SLC25A26: variants seen among roughly 807,000 people sequenced by gnomAD.
SLC25A26 encodes the protein mitochondrial S-adenosylmethionine carrier protein.
SLC25A26 carries 36 observed loss-of-function variants against 37.8 expected under a neutral mutation model. That is an observed-to-expected ratio of 0.95 (90% CI 0.73 to 1.26). The LOEUF is 1.26. Ranked by LOEUF, SLC25A26 falls within the 50% of genes most tolerant of loss-of-function variation. The pLI, the probability that SLC25A26 is intolerant of heterozygous loss-of-function variation, is 0.00. For missense variants in SLC25A26, 390 were observed against 331.1 expected, an observed-to-expected ratio of 1.18 and a Z score of -1.38; for synonymous variants, 129 against 122.5, an observed-to-expected ratio of 1.05 and a Z score of -0.35.
intron 2 of SLC25A26, among the ~76,000 whole-genome samples, chr3:66,240,998 C>T (rs956864682): frequency 8.5e-5 from 13 of 152,130 alleles, no homozygotes; most frequent in Non-Finnish European, 1.6e-4. Context: ...CCACCTGCCT[C>T]GTCCTCCCAA....
At chr3:66,259,679 C>G (rs764417143) in intron 3 of SLC25A26, among the ~76,000 whole-genome samples, 12 of 152,188 alleles carry the variant, frequency 7.9e-5, no homozygotes, top group Non-Finnish European at 1.2e-4. Context: ...CTATAGCAGT[C>G]TCGTAACCCA....
chr3:66,153,307 A>C (rs187035204), intron 1 of SLC25A26, among the ~76,000 whole-genome samples: 34 of 152,350 alleles, frequency 2.2e-4, no homozygotes, highest in Non-Finnish European at 4.4e-4. Flanking sequence ...CTTGATCTAG[A>C]GGGACAAGAT....
intron 6 of SLC25A26, among the ~76,000 whole-genome samples, chr3:66,352,913 T>C (rs779289260): frequency 2.1e-4 from 32 of 152,208 alleles, no homozygotes; most frequent in Non-Finnish European, 4.3e-4. Flanking sequence ...TCTGTAATCA[T>C]AACACCTATT....
chr3:66,236,040 T>G (rs1223552374), intron 1 of SLC25A26, among the ~76,000 whole-genome samples: 2 of 152,092 alleles, frequency 1.3e-5, no homozygotes, highest in Non-Finnish European at 2.9e-5. Context: ...GCCTTCCAAG[T>G]AGCTGGACCT....
intron 1 of SLC25A26, among the ~76,000 whole-genome samples, chr3:66,222,281 C>T (rs1190323622): frequency 6.6e-6 from 1 of 151,428 alleles, no homozygotes; most frequent in Non-Finnish European, 1.5e-5. Context: ...CTCGGGTTCA[C>T]GCCATTCTCC....
upstream of SLC25A26, among the ~76,000 whole-genome samples, chr3:66,219,414 T>C (rs2106855394): frequency 6.6e-6 from 1 of 152,340 alleles, no homozygotes; most frequent in South Asian, 2.1e-4. Context: ...TCTAATCAGT[T>C]GACTTTGAGT....
chr3:66,339,681 A>G (rs2076165277), intron 5 of SLC25A26, among the ~76,000 whole-genome samples: 1 of 151,984 alleles, frequency 6.6e-6, no homozygotes, highest in Non-Finnish European at 1.5e-5. Flanking sequence ...CATCTTCTCT[A>G]GAATGATGTC....
intron 1 of SLC25A26, among the ~76,000 whole-genome samples, chr3:66,156,435 C>T (rs1459780182): frequency 6.8e-6 from 1 of 147,696 alleles, no homozygotes. Context: ...AAATTAGCAA[C>T]ATGATATAGG....
At chr3:66,312,243 CT>C (rs1279935834) in intron 5 of SLC25A26, among the ~76,000 whole-genome samples, 1 of 152,154 alleles carries the variant, frequency 6.6e-6, no homozygotes, top group African/African-American at 2.4e-5. Flanking sequence ...GCAGTGGGTT[CT>C]GCCCAGCCCG....
intron 5 of SLC25A26, among the ~76,000 whole-genome samples, chr3:66,285,449 C>T (rs970781614): frequency 4.2e-5 from 4 of 95,754 alleles, no homozygotes; most frequent in Admixed American, 1.2e-4. Flanking sequence ...GCTATCAATT[C>T]TGAATCTTGT....
At chr3:66,155,357 A>T (rs920518903) in intron 1 of SLC25A26, among the ~76,000 whole-genome samples, 1 of 152,090 alleles carries the variant, frequency 6.6e-6, no homozygotes, top group Non-Finnish European at 1.5e-5. Context: ...ATAAAAAAAT[A>T]AAAAAATTAG....
Position 66,335,491 on chromosome 3 carries a change from A to G in SLC25A26, c.454-10873A>G, listed in dbSNP as rs1334501985. Reference sequence around the variant, plus strand: ...CTGCTCTCAACACACTGTTCTAACAAATATTGTAAATCAGCAGTAGATGAG... The same window carrying G: ...CTGCTCTCAACACACTGTTCTAACAGATATTGTAAATCAGCAGTAGATGAG... On this transcript the variant is annotated intron_variant, in intron 5 of 9. Coordinates refer to ENST00000354883, the MANE Select transcript of SLC25A26 (RefSeq NM_001379210.1). Among the ~76,000 whole-genome samples, 4 of 152,184 alleles carry G rather than the reference A, an allele frequency of 2.6e-5. No individual in the cohort carries two copies. The South Asian group carries it at 8.3e-4, about 32-fold the overall frequency.
At chr3:66,302,375 A>G (rs756712458) in intron 5 of SLC25A26, among the ~76,000 whole-genome samples, 3 of 152,226 alleles carry the variant, frequency 2.0e-5, no homozygotes, top group Non-Finnish European at 4.4e-5. Context: ...TAGTGGGCCT[A>G]CATTTCTGCA....
At chr3:66,239,708 A>G (rs1440804255) in intron 2 of SLC25A26, among the ~76,000 whole-genome samples, 1 of 151,970 alleles carries the variant, frequency 6.6e-6, no homozygotes, top group East Asian at 1.9e-4. Flanking sequence ...CTTTACCCAC[A>G]TGAAAGCTGC....
At chr3:66,312,064 C>G (rs1170407943) in intron 5 of SLC25A26, among the ~76,000 whole-genome samples, 1 of 152,208 alleles carries the variant, frequency 6.6e-6, no homozygotes, top group African/African-American at 2.4e-5. Context: ...CAGACAGGAA[C>G]AGTTAAGTCT....
chr3:66,317,208 A>G (rs1244606824), intron 5 of SLC25A26, among the ~76,000 whole-genome samples: 2 of 152,024 alleles, frequency 1.3e-5, no homozygotes, highest in East Asian at 1.9e-4. Context: ...AGTTTGCAGC[A>G]TTTTTGCATT....
Position 66,155,814 on chromosome 3 carries a change from C to T in SLC25A26, c.-354+21830C>T, listed in dbSNP as rs138067001. Among the ~76,000 whole-genome samples, 1,168 of 152,250 alleles carry T rather than the reference C, an allele frequency of 7.7e-3. 12 individuals carry two copies. Among genetic ancestry groups the T allele is most frequent in the African/African-American group, 0.027 (1,103 of 41,558 alleles). On this transcript the variant is annotated intron_variant, in intron 1 of 10. Coordinates refer to the SLC25A26 transcript ENST00000676754. ...TCTCCCTACTTCCCTCTTCTCCTCT[C>T]ATCTCCTCACATCCTCTCTGCAGTT...
chr3:66,331,858 A>T (rs1282556668), intron 5 of SLC25A26, among the ~76,000 whole-genome samples: 2 of 152,064 alleles, frequency 1.3e-5, no homozygotes, highest in Non-Finnish European at 2.9e-5. Flanking sequence ...GTAAGGTGAT[A>T]ACTTTGGAAT....
rs1700834761 is a variant in SLC25A26 at position 66,378,724 on chromosome 3, T to G, written c.*917T>G. 1 of 152,612 alleles carries G rather than the reference T, an allele frequency of 6.6e-6. No homozygotes were observed. Among genetic ancestry groups the G allele is most frequent in the Non-Finnish European group, 1.5e-5 (1 of 68,024 alleles). The allele number at this position is 152,612 out of a possible 1,614,324, so 9.5% of individuals were successfully genotyped here. ...TATGTGATTTTGCTTCGCCTATTTTTTTTTTCTTTTTTGGGGGAAGATAAT... is the reference window on the plus strand; with the variant it reads ...TATGTGATTTTGCTTCGCCTATTTTGTTTTTCTTTTTTGGGGGAAGATAAT... On this transcript the variant is annotated 3_prime_UTR_variant, in exon 10 of 10. Transcript: ENST00000354883.
Sources: allele counts gnomAD v4.1 joint callset (sites outside exome capture counted in the v4.1 genomes callset), GRCh38; gene constraint gnomAD v4.1.1; transcripts MANE v1.5; gene names NCBI Gene and HGNC (gene_info 2026-07-23, HGNC 2026-07-21).